KHDRBS2: variants seen among roughly 807,000 people sequenced by gnomAD.
KHDRBS2 encodes the protein KH domain-containing, RNA-binding, signal transduction-associated protein 2.
In KHDRBS2, 26 loss-of-function variants were observed where a neutral mutation model predicts 44.3. The observed-to-expected ratio is 0.59, with a 90% CI of 0.43 to 0.81. The LOEUF (loss-of-function observed/expected upper bound fraction) is 0.81. KHDRBS2 is among the 40% of genes least tolerant of loss of function. KHDRBS2 has a pLI of 0.00. For missense variants in KHDRBS2, 476 were observed against 433.1 expected, an observed-to-expected ratio of 1.10 and a Z score of -0.88; for synonymous variants, 194 against 151.1, an observed-to-expected ratio of 1.28 and a Z score of -2.08.
At chr6:61,795,511 T>C (rs1043773246) in intron 6 of KHDRBS2, among the ~76,000 whole-genome samples, 1 of 152,224 alleles carries the variant, frequency 6.6e-6, no homozygotes, top group East Asian at 1.9e-4. Context: ...GAGGAAGGCA[T>C]ATTGAAGCCA....
intron 6 of KHDRBS2, among the ~76,000 whole-genome samples, chr6:61,801,009 A>G (rs1330423484): frequency 1.3e-5 from 2 of 152,140 alleles, no homozygotes; most frequent in African/African-American, 2.4e-5. Flanking sequence ...CTTTAGGCCA[A>G]ATACATGCCT....
intron 1 of KHDRBS2, among the ~76,000 whole-genome samples, chr6:62,280,563 C>T (rs1261006255): frequency 1.3e-5 from 2 of 152,078 alleles, no homozygotes; most frequent in Non-Finnish European, 2.9e-5. Flanking sequence ...GTGATGAAGA[C>T]AGAAGCCAAA....
At chr6:62,239,052 A>C (rs1400781127) in intron 1 of KHDRBS2, among the ~76,000 whole-genome samples, 1 of 152,202 alleles carries the variant, frequency 6.6e-6, no homozygotes, top group Non-Finnish European at 1.5e-5. Context: ...TGACAACCCA[A>C]TGTAATATGT....
At chr6:61,639,183 C>G in the KHDRBS2 span, among the ~76,000 whole-genome samples, 3 of 152,156 alleles carry the variant, frequency 2.0e-5, no homozygotes, top group Middle Eastern at 3.4e-3. Flanking sequence ...GTCCTACAGT[C>G]TCCCATATAT....
intron 2 of KHDRBS2, among the ~76,000 whole-genome samples, chr6:62,086,991 G>A (rs1041165905): frequency 6.6e-6 from 1 of 150,778 alleles, no homozygotes; most frequent in African/African-American, 2.4e-5. Context: ...ATGAGAGCCA[G>A]GAAATGACAA....
intron 7 of KHDRBS2, among the ~76,000 whole-genome samples, chr6:61,704,779 A>G (rs1237495942): frequency 1.3e-5 from 2 of 151,834 alleles, no homozygotes; most frequent in African/African-American, 2.4e-5. Context: ...ACAAATATTT[A>G]TTGTGTAAAT....
chr6:61,544,837 A>C, the KHDRBS2 span, among the ~76,000 whole-genome samples: 1 of 152,120 alleles, frequency 6.6e-6, no homozygotes, highest in Non-Finnish European at 1.5e-5. Context: ...AGGACAAAAA[A>C]CCAAACACCG....
intron 6 of KHDRBS2, among the ~76,000 whole-genome samples, chr6:61,738,610 T>A (rs1291352667): frequency 6.6e-6 from 1 of 151,984 alleles, no homozygotes; most frequent in African/African-American, 2.4e-5. Flanking sequence ...CTATGAATTA[T>A]AGACCACTTC....
At chr6:61,681,092 A>G (rs758770292) in intron 8 of KHDRBS2, 32 bp from the exon 9 acceptor site, 3 of 1,441,384 alleles carry the variant, frequency 2.1e-6, no homozygotes, top group Admixed American at 1.7e-5. Flanking sequence ...TAACACACAC[A>G]TGACTTCACA....
rs1266134271 is a variant in KHDRBS2, at chr6:62,160,480, T to TA, written c.219+16704dup. ...CACAAAATGAATAAACAAGGCAACT[T>TA]AGAGATGGTAATGGGCAGTTAGCTC... On this transcript the variant is annotated intron_variant, in intron 2 of 8. Transcript: ENST00000281156. Among the ~76,000 whole-genome samples, 9 of 152,234 alleles carry TA rather than the reference T, an allele frequency of 5.9e-5. No individual in the cohort carries two copies. The East Asian group carries it at 1.7e-3, about 29-fold the overall frequency.
chr6:61,601,446 C>T, the KHDRBS2 span, among the ~76,000 whole-genome samples: 1 of 152,130 alleles, frequency 6.6e-6, no homozygotes, highest in Non-Finnish European at 1.5e-5. Context: ...CACCACTTGA[C>T]CCCAATACAG....
chr6:62,081,089 G>A (rs1305645766), intron 2 of KHDRBS2, among the ~76,000 whole-genome samples: 2 of 152,018 alleles, frequency 1.3e-5, no homozygotes, highest in Non-Finnish European at 2.9e-5. Flanking sequence ...ACCTTTGAAT[G>A]TGTCCTATTT....
chr6:61,617,639 T>A, the KHDRBS2 span, among the ~76,000 whole-genome samples: 4 of 151,926 alleles, frequency 2.6e-5, no homozygotes, highest in African/African-American at 9.7e-5. Context: ...AAAGACTGAT[T>A]TTTTTTATCT....
chr6:62,061,005 T>C (rs1791696427), intron 2 of KHDRBS2, among the ~76,000 whole-genome samples: 1 of 151,942 alleles, frequency 6.6e-6, no homozygotes, highest in African/African-American at 2.4e-5. Flanking sequence ...CCCTTGCCTT[T>C]TTTTGTTTTC....
At chr6:61,560,936 C>T in the KHDRBS2 span, among the ~76,000 whole-genome samples, 1 of 152,058 alleles carries the variant, frequency 6.6e-6, no homozygotes, top group Non-Finnish European at 1.5e-5. Context: ...GCAATCTGAG[C>T]TTGTTTGTAC....
At chr6:62,119,630 C>T (rs757709481) in intron 2 of KHDRBS2, among the ~76,000 whole-genome samples, 14 of 152,222 alleles carry the variant, frequency 9.2e-5, no homozygotes, top group South Asian at 6.2e-4. Flanking sequence ...TGTGGGAGGA[C>T]CCTGATGAAG....
intron 3 of KHDRBS2, among the ~76,000 whole-genome samples, chr6:62,034,363 C>G (rs1784875970): frequency 6.6e-6 from 1 of 151,576 alleles, no homozygotes; most frequent in Non-Finnish European, 1.5e-5. Flanking sequence ...CAAAGATGCA[C>G]CAAAAGAAGA....
chr6:61,909,327 C>A (rs751721939), intron 4 of KHDRBS2, among the ~76,000 whole-genome samples: 1 of 152,074 alleles, frequency 6.6e-6, no homozygotes, highest in Non-Finnish European at 1.5e-5. Flanking sequence ...TCTCAGCCTC[C>A]CAAAATGCTG....
chr6:61,808,064 G>A (rs1451101617), intron 6 of KHDRBS2, among the ~76,000 whole-genome samples: 1 of 151,990 alleles, frequency 6.6e-6, no homozygotes, highest in Non-Finnish European at 1.5e-5. Flanking sequence ...ATTGCTCAAT[G>A]GGCATCTTAT....
Sources: gnomAD v4.1 joint callset for allele counts (sites outside exome capture counted in the v4.1 genomes callset) on GRCh38, gnomAD v4.1.1 for gene constraint, MANE v1.5 for transcripts, NCBI Gene and HGNC (gene_info 2026-07-23, HGNC 2026-07-21) for gene names.